Variants in PARG observed in about 807,000 individuals in gnomAD.
The protein encoded by PARG is mitochondrial poly(ADP-ribose) glycohydrolase.
PARG carries 35 observed loss-of-function variants against 113.0 expected under a neutral mutation model. The observed-to-expected ratio is 0.31, with a 90% CI of 0.24 to 0.41. The LOEUF is 0.41. Ranked by LOEUF, PARG falls within the 10% of genes least tolerant of loss-of-function variation. The pLI is 1.00. For missense variants in PARG, 797 were observed against 1,169.4 expected (o/e 0.68, Z 4.64); for synonymous variants, 330 against 409.9 (o/e 0.81, Z 2.36).
At chr10:49,884,353 C>G (rs1847358297) in intron 8 of PARG, among the ~76,000 whole-genome samples, 1 of 152,158 alleles carries the variant, frequency 6.6e-6, no homozygotes, top group Non-Finnish European at 1.5e-5. Flanking sequence ...ACCTGTAATC[C>G]CAGCACTTTG....
At chr10:49,827,758 G>A (rs1298018254) in intron 16 of PARG, among the ~76,000 whole-genome samples, 2 of 150,736 alleles carry the variant, frequency 1.3e-5, no homozygotes, top group African/African-American at 4.9e-5. Context: ...TGACCTAAAA[G>A]GTATGGAATC....
intron 7 of PARG, among the ~76,000 whole-genome samples, chr10:49,886,067 T>A (rs1847461907): frequency 6.6e-6 from 1 of 152,238 alleles, no homozygotes. Flanking sequence ...TTTATCTACT[T>A]GAAATCACAT....
intron 13 of PARG, among the ~76,000 whole-genome samples, chr10:49,848,300 G>A (rs1845605021): frequency 6.7e-6 from 1 of 149,274 alleles, no homozygotes; most frequent in African/African-American, 2.5e-5. Context: ...AGTAAGCTGA[G>A]ATTGCGCCAC....
At chr10:49,905,080 ATGC>A (rs1357829756) in intron 7 of PARG, among the ~76,000 whole-genome samples, 2 of 152,274 alleles carry the variant, frequency 1.3e-5, no homozygotes, top group African/African-American at 4.8e-5. Context: ...TGTTTTGGAC[ATGC>A]TGCCCTTGAG....
intron 7 of PARG, among the ~76,000 whole-genome samples, chr10:49,895,408 CT>C (rs1171133023): frequency 1.5e-3 from 223 of 145,226 alleles, no homozygotes; most frequent in African/African-American, 2.7e-3. Context: ...GAACTGATAT[CT>C]TTTTTTTTTT....
Position 49,933,743 on chromosome 10 carries a change from C to G in PARG, c.705G>C (p.Gln235His), listed in dbSNP as rs1838608255. The G allele has an allele frequency of 1.1e-5, 18 of 1,613,134 alleles. 1 individual carries two copies. The South Asian group carries it at 2.0e-4, about 18-fold the overall frequency. Residue 235 changes from glutamine to histidine, a missense_variant, in exon 3 of 18, where the codon CAG (glutamine) becomes CAC (histidine). Gln to His is a conservative substitution (Grantham distance 24). Coordinates refer to ENST00000616448, the MANE Select transcript of PARG (RefSeq NM_003631.5). ...DEQAREAKSHQKCSKSCDPGE... is the reference protein window; with the variant it reads ...DEQAREAKSHHKCSKSCDPGE... ...CAGGATCGCAAGACTTGCTGCACTT[C>G]TGGTGGCTTTTGGCTTCTCTGGCCT...
At chr10:49,941,095 A>G (rs1839028256) in intron 1 of PARG, among the ~76,000 whole-genome samples, 1 of 152,252 alleles carries the variant, frequency 6.6e-6, no homozygotes, top group South Asian at 2.1e-4. Flanking sequence ...AGGGACGGGT[A>G]CAATGCCAGC....
At chr10:49,835,898 T>A (rs1844895869) in intron 15 of PARG, among the ~76,000 whole-genome samples, 2 of 152,268 alleles carry the variant, frequency 1.3e-5, no homozygotes, top group South Asian at 4.1e-4. Context: ...ATTATTTTCA[T>A]AGCACCTGCC....
intron 14 of PARG, among the ~76,000 whole-genome samples, chr10:49,843,321 C>G (rs1321350973): frequency 6.6e-6 from 1 of 152,218 alleles, no homozygotes; most frequent in African/African-American, 2.4e-5. Context: ...GAATTCTGCC[C>G]CTCTTTGTCT....
chr10:49,908,715 CTAAG>C (rs1182739951), intron 7 of PARG, among the ~76,000 whole-genome samples: 1 of 152,002 alleles, frequency 6.6e-6, no homozygotes, highest in African/African-American at 2.4e-5. Flanking sequence ...TTAAATCAAG[CTAAG>C]TAATAATGTG....
intron 16 of PARG, among the ~76,000 whole-genome samples, chr10:49,823,643 G>C (rs1844215296): frequency 6.6e-6 from 1 of 151,664 alleles, no homozygotes. Flanking sequence ...ACATAAAAAT[G>C]GGAACGAATG....
intron 4 of PARG, among the ~76,000 whole-genome samples, chr10:49,925,266 G>GT (rs1234151192): frequency 6.6e-6 from 1 of 151,986 alleles, no homozygotes; most frequent in Non-Finnish European, 1.5e-5. Context: ...GAAGCATCTG[G>GT]TAAGAGCTCT....
chr10:49,942,015 C>T lies in PARG; in HGVS notation c.-290G>A. 2.0e-6 allele frequency: 2 copies of T among 1,011,166 alleles called. No homozygotes were observed. The highest frequency in any genetic ancestry group is 2.6e-5 in the Admixed American group (1 of 38,088). The allele number at this position is 1,011,166 out of a possible 1,614,324, so 62.6% of individuals were successfully genotyped here. A position where few individuals can be genotyped will look rare whatever the true frequency, so the allele number is the denominator to read the frequency against. On this transcript the variant is annotated 5_prime_UTR_variant, in exon 1 of 18. Transcript: ENST00000616448. ...GCTGCCGTCAGGCGCTTCCGGCTTC[C>T]GGGGCGCACACTGCCGCAAAGCGGA...
intron 7 of PARG, among the ~76,000 whole-genome samples, chr10:49,889,529 C>T (rs1554841096): frequency 1.3e-5 from 2 of 152,164 alleles, no homozygotes; most frequent in African/African-American, 4.8e-5. Flanking sequence ...ATGTACTCTC[C>T]TAGGGTCCCA....
chr10:49,941,404 T>C (rs1839057377), intron 1 of PARG, 105 bp downstream of exon 1: 1 of 920,256 alleles, frequency 1.1e-6, no homozygotes, highest in Non-Finnish European at 1.7e-6. Context: ...AGAGTGACGA[T>C]GCACACAAGA....
At chr10:49,845,695 G>A (rs1193618224) in intron 13 of PARG, among the ~76,000 whole-genome samples, 6 of 151,718 alleles carry the variant, frequency 4.0e-5, no homozygotes, top group East Asian at 1.9e-4. Context: ...TCAGTAGTTC[G>A]AGACCAGCCT....
chr10:49,915,023 T>C (rs1837390675), intron 7 of PARG, among the ~76,000 whole-genome samples: 2 of 152,100 alleles, frequency 1.3e-5, no homozygotes, highest in Non-Finnish European at 2.9e-5. Context: ...GTAATGGTCA[T>C]AGTGTAAGAG....
chr10:49,842,173 C>T, intron 14 of PARG, 115 bp from the exon 15 acceptor site: 1 of 692,150 alleles, frequency 1.4e-6, no homozygotes, highest in Non-Finnish European at 2.5e-6. Flanking sequence ...AAAAACAAAC[C>T]AGTGTCTGCA....
intron 4 of PARG, among the ~76,000 whole-genome samples, chr10:49,931,404 G>C (rs1554909706): frequency 6.6e-6 from 1 of 151,920 alleles, no homozygotes; most frequent in African/African-American, 2.4e-5. Context: ...ATTCTGACCC[G>C]CCCTAAACTG....
Sources: gnomAD v4.1 joint callset for allele counts (sites outside exome capture counted in the v4.1 genomes callset) on GRCh38, gnomAD v4.1.1 for gene constraint, MANE v1.5 for transcripts, NCBI Gene and HGNC (gene_info 2026-07-23, HGNC 2026-07-21) for gene names.